Variants in ATP6V0A1 observed in about 807,000 individuals in gnomAD.
ATP6V0A1 encodes the protein ATPase H+ transporting V0 subunit a1.
In ATP6V0A1, 43 loss-of-function variants were observed where a neutral mutation model predicts 105.4. That is an observed-to-expected ratio of 0.41 (90% confidence interval 0.32 to 0.53). The LOEUF is 0.53. Ranked by LOEUF, ATP6V0A1 falls within the 20% of genes least tolerant of loss-of-function variation. ATP6V0A1 has a pLI of 0.30. For missense variants in ATP6V0A1, 676 were observed against 1,051.1 expected (o/e 0.64, Z 4.93); for synonymous variants, 362 against 372.8 (o/e 0.97, Z 0.33).
chr17:42,501,017 C>T, intron 16 of ATP6V0A1, 94 bp downstream of exon 16: 1 of 1,350,704 alleles, frequency 7.4e-7, no homozygotes, highest in East Asian at 2.3e-5. Context: ...AACTGCCCTT[C>T]TATGGGACAA....
intron 10 of ATP6V0A1, 137 bp from the exon 11 acceptor site, chr17:42,490,350 A>G (rs1459291985): frequency 1.2e-4 from 87 of 737,982 alleles, no homozygotes; most frequent in Non-Finnish European, 1.6e-4. Flanking sequence ...AGTTTTATTG[A>G]GATATAATTT....
chr17:42,497,652 G>A (rs1309339885), intron 14 of ATP6V0A1, among the ~76,000 whole-genome samples: 1 of 149,990 alleles, frequency 6.7e-6, no homozygotes, highest in Non-Finnish European at 1.5e-5. Context: ...CAGCCTGGGC[G>A]ACAGAGTAAG....
chr17:42,494,616 C>T (rs143872574), intron 12 of ATP6V0A1, 143 bp downstream of exon 12: 860 of 1,028,488 alleles, frequency 8.4e-4, no homozygotes, highest in South Asian at 1.5e-3. Flanking sequence ...ACACCAAAGA[C>T]GACATGTGCA....
At chr17:42,497,021 G>A (rs959932596) in intron 14 of ATP6V0A1, among the ~76,000 whole-genome samples, 1 of 152,116 alleles carries the variant, frequency 6.6e-6, no homozygotes, top group Non-Finnish European at 1.5e-5. Flanking sequence ...TAATGTATAA[G>A]CCAGGCACGG....
At chr17:42,466,720 G>C (rs185561680) in intron 3 of ATP6V0A1, among the ~76,000 whole-genome samples, 3 of 152,312 alleles carry the variant, frequency 2.0e-5, no homozygotes, top group Admixed American at 2.0e-4. Context: ...GAAATAACAT[G>C]CTGCAAACTG....
chr17:42,468,894 G>A (rs2087474042), intron 4 of ATP6V0A1, among the ~76,000 whole-genome samples: 1 of 152,186 alleles, frequency 6.6e-6, no homozygotes, highest in South Asian at 2.1e-4. Flanking sequence ...CACCTAGGCT[G>A]GACTACAGTG....
At chr17:42,496,190 A>G (rs921311529) in intron 14 of ATP6V0A1, 1 of 153,802 alleles carries the variant, frequency 6.5e-6, no homozygotes, top group African/African-American at 2.4e-5. Context: ...AAGAGACCCA[A>G]GTGCCTTGAG....
chr17:42,514,121 C>T (rs758887657), intron 20 of ATP6V0A1, 143 bp downstream of exon 20: 1 of 1,241,204 alleles, frequency 8.1e-7, no homozygotes, highest in African/African-American at 1.5e-5. Context: ...TGAGTACAGA[C>T]AGGAGGCTCA....
rs759592546 is a variant in ATP6V0A1 at position 42,487,255 on chromosome 17, A to G, written c.911A>G (p.Tyr304Cys). Reference sequence around the variant, plus strand: ...AAAGTGCGGAAGATGAAGGCCATCTATCACACCCTGAACCTGTGCAACATA... The same window carrying G: ...AAAGTGCGGAAGATGAAGGCCATCTGTCACACCCTGAACCTGTGCAACATA... ...FIKVRKMKAI[Y>C]HTLNLCNIDV... Residue 304 changes from tyrosine (Y) to cysteine (C), a missense_variant, in exon 10 of 22, where the codon TAT (tyrosine) becomes TGT (cysteine). Transcript: ENST00000343619. The G allele has an allele frequency of 3.1e-6, 5 of 1,614,170 alleles. No individual in the cohort carries two copies. In the East Asian group the frequency reaches 6.7e-5, roughly 22 times the overall value.
intron 5 of ATP6V0A1, among the ~76,000 whole-genome samples, chr17:42,473,482 C>T (rs546595835): frequency 1.3e-5 from 2 of 152,208 alleles, no homozygotes; most frequent in Non-Finnish European, 2.9e-5. Context: ...TTCATATGCT[C>T]ACAGATGTGT....
rs533581441 is a variant in ATP6V0A1, at chr17:42,468,606, T to C, written c.294+499T>C. On this transcript the variant is annotated intron_variant, in intron 4 of 21. Transcript: ENST00000343619. ...CCTACCTCTATGAGATCAACTTTTT[T>C]AGCTCCCACATATGAGTGAAAACTT... 2.0e-3 allele frequency among the ~76,000 whole-genome samples: 304 copies of C among 152,314 alleles called. 1 individual carries two copies. The highest frequency in any genetic ancestry group is 6.9e-3 in the African/African-American group (288 of 41,588).
intron 21 of ATP6V0A1, chr17:42,518,192 C>T (rs183611928): frequency 6.6e-6 from 1 of 152,274 alleles, no homozygotes; most frequent in African/African-American, 2.4e-5. Context: ...CCAGGGCATA[C>T]CTTCCAAGGA....
chr17:42,482,044 G>A (rs1302147630), intron 8 of ATP6V0A1, among the ~76,000 whole-genome samples: 2 of 152,124 alleles, frequency 1.3e-5, no homozygotes, highest in Non-Finnish European at 2.9e-5. Flanking sequence ...GTTTTGCCGT[G>A]TTGGCCAGGC....
intron 11 of ATP6V0A1, 99 bp from the exon 12 acceptor site, chr17:42,494,233 CAA>C (rs368586952): frequency 5.5e-4 from 526 of 962,854 alleles, no homozygotes; most frequent in Admixed American, 7.4e-4. Flanking sequence ...GACTCCATCT[CAA>C]AAAAAAAAAG....
At chr17:42,495,305 C>A in intron 13 of ATP6V0A1, 117 bp downstream of exon 13, 1 of 1,062,388 alleles carries the variant, frequency 9.4e-7, no homozygotes. Context: ...TCTCCTCATT[C>A]ATGCTCCACA....
Position 42,488,633 on chromosome 17 carries a change from G to T in ATP6V0A1, c.1023+1266G>T, listed in dbSNP as rs146447249. 8.5e-4 allele frequency among the ~76,000 whole-genome samples: 130 copies of T among 152,190 alleles called. 1 individual carries two copies. The East Asian group carries it at 0.022, about 26-fold the overall frequency. ...CTACAGGTGCCCACCATCATGCGTG[G>T]CTAATTTTTTGTAGAGACAGGGTTT... On this transcript the variant is annotated intron_variant, in intron 10 of 21. Transcript: ENST00000343619.
intron 15 of ATP6V0A1, among the ~76,000 whole-genome samples, chr17:42,499,684 T>C (rs1482700523): frequency 7.4e-6 from 1 of 135,382 alleles, no homozygotes. Flanking sequence ...GCTACTCTGG[T>C]GGCTGAGGCA....
At chr17:42,495,481 G>T in intron 13 of ATP6V0A1, 145 bp from the exon 14 acceptor site, 1 of 684,972 alleles carries the variant, frequency 1.5e-6, no homozygotes, top group East Asian at 2.7e-5. Context: ...AGTCTCAGCT[G>T]CTAGTCTCTC....
At chr17:42,509,032 G>A (rs2092202897) in intron 19 of ATP6V0A1, among the ~76,000 whole-genome samples, 1 of 151,314 alleles carries the variant, frequency 6.6e-6, no homozygotes, top group Non-Finnish European at 1.5e-5. Context: ...CTCCCTGTCT[G>A]AGCCAGCCTC....
Sources: allele counts gnomAD v4.1 joint callset (sites outside exome capture counted in the v4.1 genomes callset), GRCh38; gene constraint gnomAD v4.1.1; transcripts MANE v1.5; gene names NCBI Gene and HGNC (gene_info 2026-07-23, HGNC 2026-07-21).